CEP63: variants seen among roughly 807,000 people sequenced by gnomAD.
CEP63 encodes the protein centrosomal protein 63.
Under a neutral mutation model 89.1 loss-of-function variants are expected in CEP63, and 84 were observed. The ratio of observed to expected loss-of-function variants is 0.94; its 90% CI spans 0.79 to 1.13. The LOEUF (loss-of-function observed/expected upper bound fraction) is 1.13, where lower values mean the gene tolerates loss of function less well. CEP63 is among the 50% of genes most tolerant of loss of function. CEP63 has a pLI of 0.00. For synonymous variants in CEP63, 267 were observed against 272.5 expected (o/e 0.98, Z 0.20); for missense variants, 838 against 813.3 (o/e 1.03, Z -0.37).
At chr3:134,735,367 T>C in the CEP63 span, among the ~76,000 whole-genome samples, 1 of 152,144 alleles carries the variant, frequency 6.6e-6, no homozygotes, top group Non-Finnish European at 1.5e-5. Flanking sequence ...ATGAAACTTA[T>C]CTAACACATG....
the CEP63 span, among the ~76,000 whole-genome samples, chr3:134,755,092 A>G: frequency 6.6e-6 from 1 of 152,138 alleles, no homozygotes; most frequent in Non-Finnish European, 1.5e-5. Context: ...GGTCATTCTG[A>G]CTTCAGAGGA....
intron 11 of CEP63, among the ~76,000 whole-genome samples, chr3:134,572,779 G>A (rs1458869828): frequency 6.6e-6 from 1 of 152,146 alleles, no homozygotes; most frequent in Non-Finnish European, 1.5e-5. Flanking sequence ...CCTAGTAATG[G>A]AATTGCTGGG....
At chr3:134,659,832 G>T in the CEP63 span, among the ~76,000 whole-genome samples, 25 of 152,230 alleles carry the variant, frequency 1.6e-4, no homozygotes, top group African/African-American at 5.5e-4. Flanking sequence ...GGTGTTCATC[G>T]TCCCAAGCAG....
the CEP63 span, among the ~76,000 whole-genome samples, chr3:134,761,102 G>C: frequency 6.6e-6 from 1 of 151,918 alleles, no homozygotes; most frequent in African/African-American, 2.4e-5. Context: ...CTTTGTATCT[G>C]AGGAAGAACC....
At chr3:134,540,178 T>C (rs548083871) in intron 6 of CEP63, among the ~76,000 whole-genome samples, 162 of 152,316 alleles carry the variant, frequency 1.1e-3, no homozygotes, top group African/African-American at 3.5e-3. Flanking sequence ...ATATATAGAA[T>C]GCTTACTAAG....
chr3:134,607,584 G>A, the CEP63 span: 1 of 985,630 alleles, frequency 1.0e-6, no homozygotes, highest in Non-Finnish European at 1.2e-6. Flanking sequence ...CAGGCTGTGT[G>A]CCCAGCACTG....
the CEP63 span, among the ~76,000 whole-genome samples, chr3:134,678,269 G>A: frequency 6.6e-6 from 1 of 152,054 alleles, no homozygotes; most frequent in Non-Finnish European, 1.5e-5. Context: ...TTAAGACTGG[G>A]CCAGGTGACA....
At chr3:134,516,058 G>A (rs1290165541) in intron 3 of CEP63, among the ~76,000 whole-genome samples, 1 of 152,170 alleles carries the variant, frequency 6.6e-6, no homozygotes, top group Admixed American at 6.5e-5. Flanking sequence ...GGGGACCGGC[G>A]TTCAGCATAT....
chr3:134,691,974 T>C, the CEP63 span, among the ~76,000 whole-genome samples: 1 of 152,204 alleles, frequency 6.6e-6, no homozygotes, highest in Admixed American at 6.5e-5. Flanking sequence ...TCTCCCAAAG[T>C]GCTGGGATTA....
chr3:134,772,468 CT>C, the CEP63 span, among the ~76,000 whole-genome samples: 1 of 152,120 alleles, frequency 6.6e-6, no homozygotes, highest in African/African-American at 2.4e-5. Flanking sequence ...AGGCTTCTTG[CT>C]TTTTGGTTTG....
the CEP63 span, among the ~76,000 whole-genome samples, chr3:134,715,302 C>T: frequency 2.2e-4 from 34 of 152,136 alleles, no homozygotes; most frequent in Non-Finnish European, 3.4e-4. Flanking sequence ...TCAGCTACTC[C>T]AGGATGAAGC....
the CEP63 span, among the ~76,000 whole-genome samples, chr3:134,719,268 G>C: frequency 6.6e-6 from 1 of 152,020 alleles, no homozygotes; most frequent in African/African-American, 2.4e-5. Context: ...CTCCCAAAGT[G>C]CTAGGATTAC....
At chr3:134,505,529 T>C (rs1471654161) in intron 2 of CEP63, among the ~76,000 whole-genome samples, 1 of 152,200 alleles carries the variant, frequency 6.6e-6, no homozygotes, top group Non-Finnish European at 1.5e-5. Context: ...GGGCTTGTCC[T>C]CAGGCTCCCA....
At chr3:134,505,127 G>T (rs905804861) in intron 2 of CEP63, among the ~76,000 whole-genome samples, 1 of 151,940 alleles carries the variant, frequency 6.6e-6, no homozygotes, top group Non-Finnish European at 1.5e-5. Flanking sequence ...TTTTCTTTGG[G>T]ATCTGTTACC....
chr3:134,748,426 G>T, the CEP63 span, among the ~76,000 whole-genome samples: 13 of 144,438 alleles, frequency 9.0e-5, no homozygotes, highest in South Asian at 2.2e-4. Context: ...TTGGAGTTTT[G>T]TTTTTTTTTT....
chr3:134,623,930 C>T, the CEP63 span, among the ~76,000 whole-genome samples: 3 of 152,226 alleles, frequency 2.0e-5, no homozygotes, highest in South Asian at 2.1e-4. Context: ...ATATGATGCC[C>T]GTCCTATGGC....
At chr3:134,560,808 G>A (rs186417023) in intron 14 of CEP63, among the ~76,000 whole-genome samples, 22 of 152,298 alleles carry the variant, frequency 1.4e-4, no homozygotes, top group Admixed American at 3.3e-4. Context: ...TGCTAATTCA[G>A]TGTTTTGGGT....
the CEP63 span, among the ~76,000 whole-genome samples, chr3:134,736,943 G>A: frequency 6.6e-6 from 1 of 152,138 alleles, no homozygotes; most frequent in African/African-American, 2.4e-5. Context: ...GAGACAATTT[G>A]TTCTTGGTGT....
chr3:134,677,240 CAGAG>C, the CEP63 span, among the ~76,000 whole-genome samples: 1 of 152,320 alleles, frequency 6.6e-6, no homozygotes, highest in African/African-American at 2.4e-5. Context: ...GCCTGGGCAA[CAGAG>C]AGAGACTCCA....
Sources: gnomAD v4.1 joint callset for allele counts (sites outside exome capture counted in the v4.1 genomes callset) on GRCh38, gnomAD v4.1.1 for gene constraint, MANE v1.5 for transcripts, NCBI Gene and HGNC (gene_info 2026-07-23, HGNC 2026-07-21) for gene names.